The following TULP4 variants were observed in gnomAD, a reference collection of about 807,000 sequenced individuals.
TULP4 encodes the protein tubby-related protein 4.
TULP4 carries 16 observed loss-of-function variants against 129.0 expected under a neutral mutation model. The ratio of observed to expected loss-of-function variants is 0.12; its 90% confidence interval spans 0.08 to 0.19. The LOEUF is 0.19. Ranked by LOEUF, TULP4 falls within the 10% of genes least tolerant of loss-of-function variation. The pLI is 1.00. For missense variants in TULP4, 1,842 were observed against 2,059.1 expected (o/e 0.89, Z 2.04); for synonymous variants, 998 against 854.0 (o/e 1.17, Z -2.94).
intron 1 of TULP4, among the ~76,000 whole-genome samples, chr6:158,344,944 A>G (rs929957129): frequency 1.4e-4 from 21 of 152,242 alleles, no homozygotes; most frequent in Non-Finnish European, 2.9e-5. Context: ...TACTCCAGTG[A>G]ACATGTGAAT....
intron 1 of TULP4, among the ~76,000 whole-genome samples, chr6:158,249,775 A>G (rs1778103932): frequency 6.6e-6 from 1 of 152,184 alleles, no homozygotes; most frequent in Non-Finnish European, 1.5e-5. Flanking sequence ...CTTTTTCTGG[A>G]CCATTAACAA....
At chr6:158,332,204 T>A (rs7356963) in intron 1 of TULP4, among the ~76,000 whole-genome samples, 164 of 5,724 alleles carry the variant, frequency 0.029, no homozygotes, top group Non-Finnish European at 0.034. Context: ...AAAAAAAATA[T>A]ATATATATAT....
At chr6:158,436,555 A>G (rs1291311556) in intron 3 of TULP4, among the ~76,000 whole-genome samples, 1 of 152,234 alleles carries the variant, frequency 6.6e-6, no homozygotes, top group Non-Finnish European at 1.5e-5. Flanking sequence ...GCCCTTGTTT[A>G]GAAGGCAGTT....
intron 1 of TULP4, among the ~76,000 whole-genome samples, chr6:158,360,137 A>AT (rs752777128): frequency 6.6e-6 from 1 of 151,916 alleles, no homozygotes; most frequent in Non-Finnish European, 1.5e-5. Context: ...AAAAAAAAAA[A>AT]GTGAGGCTAG....
intron 1 of TULP4, among the ~76,000 whole-genome samples, chr6:158,375,372 A>G (rs992661742): frequency 3.3e-5 from 5 of 152,184 alleles, no homozygotes; most frequent in African/African-American, 1.2e-4. Flanking sequence ...CTGCATATTA[A>G]CATTTGCCAC....
chr6:158,280,102 T>C (rs1778723175), upstream of TULP4, among the ~76,000 whole-genome samples: 1 of 152,172 alleles, frequency 6.6e-6, no homozygotes, highest in South Asian at 2.1e-4. Flanking sequence ...CCATCGCCAT[T>C]TCCTTTTATT....
intron 1 of TULP4, among the ~76,000 whole-genome samples, chr6:158,335,686 A>T (rs1233647944): frequency 6.6e-6 from 1 of 152,228 alleles, no homozygotes; most frequent in East Asian, 1.9e-4. Context: ...TGCCTTTGAC[A>T]AAAGGACTGT....
chr6:158,410,004 C>G (rs1018883242), intron 1 of TULP4, among the ~76,000 whole-genome samples: 1 of 151,952 alleles, frequency 6.6e-6, no homozygotes, highest in Non-Finnish European at 1.5e-5. Flanking sequence ...TACAGGTGCC[C>G]GCCACCACGC....
chr6:158,236,137 A>T (rs1777694066), intron 1 of TULP4, among the ~76,000 whole-genome samples: 1 of 152,248 alleles, frequency 6.6e-6, no homozygotes, highest in African/African-American at 2.4e-5. Flanking sequence ...TTAAAATTCA[A>T]TAAATCTTAA....
At chr6:158,285,015 C>G (rs1054016205) in intron 1 of TULP4, among the ~76,000 whole-genome samples, 1 of 152,164 alleles carries the variant, frequency 6.6e-6, no homozygotes, top group Non-Finnish European at 1.5e-5. Flanking sequence ...TCCTGCTTTT[C>G]GGGTTCAACA....
At chr6:158,341,223 A>C (rs566065044) in intron 1 of TULP4, among the ~76,000 whole-genome samples, 1 of 152,250 alleles carries the variant, frequency 6.6e-6, no homozygotes, top group African/African-American at 2.4e-5. Context: ...TTCATTTAAC[A>C]TAATGTCCTC....
At chr6:158,379,321 A>G (rs1484698795) in intron 1 of TULP4, among the ~76,000 whole-genome samples, 7 of 152,140 alleles carry the variant, frequency 4.6e-5, no homozygotes, top group African/African-American at 1.7e-4. Context: ...TTCTCAAGGG[A>G]TTGCCCCAAC....
intron 3 of TULP4, among the ~76,000 whole-genome samples, chr6:158,448,017 C>A (rs142511028): frequency 9.7e-4 from 147 of 152,252 alleles, no homozygotes; most frequent in Middle Eastern, 3.4e-3. Context: ...CTGCCCAGGA[C>A]CCAAGATTCC....
chr6:158,443,978 G>T (rs1032618758), intron 3 of TULP4, among the ~76,000 whole-genome samples: 2 of 152,024 alleles, frequency 1.3e-5, no homozygotes, highest in African/African-American at 2.4e-5. Flanking sequence ...CCAGCACTTT[G>T]GGGGGCCAGG....
At chr6:158,477,253 T>C (rs565206425) in intron 6 of TULP4, among the ~76,000 whole-genome samples, 12 of 152,138 alleles carry the variant, frequency 7.9e-5, no homozygotes, top group Non-Finnish European at 5.9e-5. Context: ...TCATCAACTG[T>C]TATACAGAGA....
intron 1 of TULP4, among the ~76,000 whole-genome samples, chr6:158,305,317 CTGTGTGCG>C (rs1430981959): frequency 1.7e-5 from 2 of 115,902 alleles, no homozygotes; most frequent in Non-Finnish European, 3.5e-5. Flanking sequence ...ATATTTCATT[CTGTGTGCG>C]TGTGTGTGTG....
chr6:158,353,333 G>A (rs1025612552), intron 1 of TULP4, among the ~76,000 whole-genome samples: 2 of 146,046 alleles, frequency 1.4e-5, no homozygotes, highest in African/African-American at 2.4e-5. Flanking sequence ...TCCCATTAGG[G>A]TTTTAAAATT....
At chr6:158,305,821 T>G (rs914575732) in intron 1 of TULP4, among the ~76,000 whole-genome samples, 19 of 152,326 alleles carry the variant, frequency 1.2e-4, no homozygotes, top group African/African-American at 4.3e-4. Flanking sequence ...ATCTGATAGT[T>G]GCTTTTTAAT....
intron 1 of TULP4, among the ~76,000 whole-genome samples, chr6:158,389,971 T>G (rs1777546346): frequency 6.6e-6 from 1 of 151,512 alleles, no homozygotes; most frequent in Admixed American, 6.6e-5. Flanking sequence ...GTTAGCCGGG[T>G]GTGGGTTCAA....
Sources: gnomAD v4.1 joint callset for allele counts (sites outside exome capture counted in the v4.1 genomes callset) on GRCh38, gnomAD v4.1.1 for gene constraint, MANE v1.5 for transcripts, NCBI Gene and HGNC (gene_info 2026-07-23, HGNC 2026-07-21) for gene names.